The following DCAF10 variants were observed in gnomAD, a reference collection of about 807,000 sequenced individuals.
DCAF10 encodes DDB1- and CUL4-associated factor 10.
DCAF10 carries 19 observed loss-of-function variants against 51.9 expected under a neutral mutation model. The ratio of observed to expected loss-of-function variants is 0.37; its 90% confidence interval spans 0.26 to 0.54. The LOEUF (loss-of-function observed/expected upper bound fraction) is 0.54, where lower values mean the gene tolerates loss of function less well. Among genes scored for constraint, DCAF10 ranks in the 20% least tolerant of loss-of-function variants. The pLI is 0.87. For missense variants in DCAF10, 510 were observed against 730.6 expected (o/e 0.70, Z 3.48); for synonymous variants, 291 against 297.1 (o/e 0.98, Z 0.21).
At chr9:37,828,882 A>G (rs1829929866) in intron 2 of DCAF10, among the ~76,000 whole-genome samples, 1 of 152,228 alleles carries the variant, frequency 6.6e-6, no homozygotes, top group Admixed American at 6.5e-5. Flanking sequence ...TTATGAAAGC[A>G]AAGCTTTAAA....
chr9:37,816,653 A>G (rs2119048237), intron 1 of DCAF10, among the ~76,000 whole-genome samples: 1 of 118,760 alleles, frequency 8.4e-6, no homozygotes, highest in East Asian at 2.2e-4. Context: ...TAACATCTGC[A>G]CCTGGGGTGT....
At position 37,861,683 on chromosome 9, in the gene DCAF10, C is replaced by A; in HGVS notation, c.*175C>A. ...ACTTGGTCATCCAGCATCATACAGGCATCTCCAAGTTAGACTCTATGCAGC... is the reference window on the plus strand; with the variant it reads ...ACTTGGTCATCCAGCATCATACAGGAATCTCCAAGTTAGACTCTATGCAGC... On this transcript the variant is annotated 3_prime_UTR_variant, in exon 7 of 7. Transcript: ENST00000377724. This position sits in a 1 kb window ranked among gnomAD's most constrained non-coding sequence, Gnocchi z 4.9. 1.2e-6 allele frequency: 1 copy of A among 820,870 alleles called. No homozygotes were observed. The highest frequency in any genetic ancestry group is 1.8e-6 in the Non-Finnish European group (1 of 544,474). 50.8% of individuals were successfully genotyped at this position (820,870 alleles called of 1,614,324 possible).
rs1323796720 is a variant in DCAF10, at chr9:37,867,617, A to G, written c.*6109A>G. ...TATTCTTGTATCCTCAGTGCCTGGTACAGGACTTGACACAGAGTAGTTGTT... is the reference window on the plus strand; with the variant it reads ...TATTCTTGTATCCTCAGTGCCTGGTGCAGGACTTGACACAGAGTAGTTGTT... On this transcript the variant is annotated 3_prime_UTR_variant, in exon 7 of 7. Coordinates refer to ENST00000377724, the MANE Select transcript of DCAF10 (RefSeq NM_024345.5). 4 of 152,090 alleles carry G rather than the reference A, an allele frequency of 2.6e-5. No homozygotes were observed. The highest frequency in any genetic ancestry group is 1.3e-4 in the Admixed American group (2 of 15,248). The allele number at this position is 152,090 out of a possible 1,614,324, so 9.4% of individuals were successfully genotyped here. A position where few individuals can be genotyped will look rare whatever the true frequency, so the allele number is the denominator to read the frequency against.
chr9:37,858,301 A>C (rs977318959), intron 5 of DCAF10, among the ~76,000 whole-genome samples: 2 of 152,230 alleles, frequency 1.3e-5, no homozygotes, highest in Non-Finnish European at 2.9e-5. Context: ...TCTTAAATTT[A>C]AAGATTTATG....
intron 3 of DCAF10, among the ~76,000 whole-genome samples, chr9:37,843,034 T>G (rs1278918609): frequency 6.6e-6 from 1 of 152,232 alleles, no homozygotes; most frequent in Non-Finnish European, 1.5e-5. Flanking sequence ...GTTGTTGTTT[T>G]TGAGACAGGG....
intron 1 of DCAF10, among the ~76,000 whole-genome samples, chr9:37,808,867 C>A (rs1589075984): frequency 1.4e-5 from 2 of 142,046 alleles, no homozygotes; most frequent in African/African-American, 2.6e-5. Context: ...ACTTGTAATC[C>A]CAGCACTTTG....
chr9:37,825,808 C>T (rs1359309218), intron 2 of DCAF10, among the ~76,000 whole-genome samples: 1 of 152,144 alleles, frequency 6.6e-6, no homozygotes, highest in East Asian at 1.9e-4. Context: ...CACCTGAAGT[C>T]AGGAGTTTGA....
At chr9:37,814,555 T>C (rs2119042783) in intron 1 of DCAF10, among the ~76,000 whole-genome samples, 1 of 152,038 alleles carries the variant, frequency 6.6e-6, no homozygotes, top group Non-Finnish European at 1.5e-5. Context: ...GCTGGAATTA[T>C]AGGTGAGAGC....
chr9:37,853,761 G>T (rs947667902), intron 3 of DCAF10, among the ~76,000 whole-genome samples: 7 of 152,024 alleles, frequency 4.6e-5, no homozygotes, highest in African/African-American at 1.7e-4. Flanking sequence ...TAGAGACAGG[G>T]TCTTGCTATG....
At chr9:37,817,128 C>T (rs1461011851) in intron 1 of DCAF10, among the ~76,000 whole-genome samples, 1 of 152,020 alleles carries the variant, frequency 6.6e-6, no homozygotes, top group South Asian at 2.1e-4. Flanking sequence ...TAAGATCAGC[C>T]TTGATATTGG....
At chr9:37,816,659 G>GGGGGTGTGTGTGTGTGTGTGTGTGT (rs372664140) in intron 1 of DCAF10, among the ~76,000 whole-genome samples, 1 of 144,890 alleles carries the variant, frequency 6.9e-6, no homozygotes, top group African/African-American at 2.5e-5. Flanking sequence ...CTGCACCTGG[G>GGGGGTGTGTGTGTGTGTGTGTGTGT]GTGTGTGTGT....
chr9:37,837,869 T>G (rs1257617308), intron 2 of DCAF10, among the ~76,000 whole-genome samples: 2 of 150,790 alleles, frequency 1.3e-5, no homozygotes, highest in Non-Finnish European at 3.0e-5. Context: ...AGAATTAAAA[T>G]TTTGATTAGC....
At chr9:37,853,147 C>T (rs1367507838) in intron 3 of DCAF10, among the ~76,000 whole-genome samples, 2 of 126,906 alleles carry the variant, frequency 1.6e-5, no homozygotes, top group Admixed American at 7.9e-5. Context: ...AGTGAAACTC[C>T]GTCTCAAAAA....
intron 1 of DCAF10, 133 bp from the exon 2 acceptor site, chr9:37,819,155 T>A: frequency 1.6e-6 from 1 of 634,942 alleles, no homozygotes; most frequent in Non-Finnish European, 2.7e-6. Context: ...ATCAATCTTT[T>A]AAACATTTGC....
chr9:37,852,967 A>AT (rs1830724468), intron 3 of DCAF10, among the ~76,000 whole-genome samples: 2 of 82,694 alleles, frequency 2.4e-5, no homozygotes, highest in South Asian at 9.4e-4. Flanking sequence ...TATATATATA[A>AT]ATTAGCTTGA....
intron 3 of DCAF10, among the ~76,000 whole-genome samples, chr9:37,849,622 C>T (rs1830574269): frequency 6.6e-6 from 1 of 152,006 alleles, no homozygotes; most frequent in African/African-American, 2.4e-5. Context: ...GTGGCTCATA[C>T]CTGTAATCCC....
At chr9:37,856,209 C>T (rs1380931511) in intron 4 of DCAF10, among the ~76,000 whole-genome samples, 6 of 152,170 alleles carry the variant, frequency 3.9e-5, no homozygotes, top group Non-Finnish European at 8.8e-5. Context: ...CACAGGACCA[C>T]TTCTGAAAAT....
intron 1 of DCAF10, among the ~76,000 whole-genome samples, chr9:37,814,812 A>G (rs768413880): frequency 6.6e-6 from 1 of 152,254 alleles, no homozygotes; most frequent in Non-Finnish European, 1.5e-5. Context: ...CCCAATTTAT[A>G]TAAACTATTC....
intron 1 of DCAF10, among the ~76,000 whole-genome samples, chr9:37,803,133 A>T (rs1029375008): frequency 2.6e-5 from 4 of 152,222 alleles, no homozygotes; most frequent in Non-Finnish European, 5.9e-5. Flanking sequence ...ACTTAATTCC[A>T]TAATTTTAAA....
Sources: allele counts gnomAD v4.1 joint callset (sites outside exome capture counted in the v4.1 genomes callset), GRCh38; gene constraint gnomAD v4.1.1; non-coding constraint Gnocchi (gnomAD v3.1); transcripts MANE v1.5; gene names NCBI Gene and HGNC (gene_info 2026-07-23, HGNC 2026-07-21).